B3GALT1: variants seen among roughly 807,000 people sequenced by gnomAD.
B3GALT1 encodes UDP-Gal:betaGlcNAc beta 1,3-galactosyltransferase, polypeptide 1.
In B3GALT1, 10 loss-of-function variants were observed where a neutral mutation model predicts 23.2. That is an observed-to-expected ratio of 0.43 (90% CI 0.27 to 0.73). The LOEUF (loss-of-function observed/expected upper bound fraction) is 0.73. B3GALT1 is among the 30% of genes least tolerant of loss of function. B3GALT1 has a pLI of 0.21. For missense variants in B3GALT1, 299 were observed against 405.4 expected, an observed-to-expected ratio of 0.74 and a Z score of 2.25; for synonymous variants, 156 against 141.5, an observed-to-expected ratio of 1.10 and a Z score of -0.73.
At chr2:167,636,886 G>A (rs1404034240) in intron 2 of B3GALT1, among the ~76,000 whole-genome samples, 1 of 151,868 alleles carries the variant, frequency 6.6e-6, no homozygotes, top group Non-Finnish European at 1.5e-5. Context: ...CCTAATGTAG[G>A]TGATGGGTTG....
At chr2:167,866,046 AT>A (rs752311878) in intron 4 of B3GALT1, among the ~76,000 whole-genome samples, 3 of 151,482 alleles carry the variant, frequency 2.0e-5, no homozygotes, top group Non-Finnish European at 4.4e-5. Context: ...CCTCTCTCTC[AT>A]TTTATGCCCT....
intron 2 of B3GALT1, among the ~76,000 whole-genome samples, chr2:167,564,300 G>A (rs1278275041): frequency 1.3e-5 from 2 of 151,476 alleles, no homozygotes; most frequent in African/African-American, 2.4e-5. Flanking sequence ...CCTCCCAGAT[G>A]TGATGGCGGC....
chr2:167,594,948 C>T (rs1193517332), intron 2 of B3GALT1, among the ~76,000 whole-genome samples: 1 of 151,962 alleles, frequency 6.6e-6, no homozygotes, highest in Non-Finnish European at 1.5e-5. Context: ...AATGGACAAA[C>T]GTGTGGGCAG....
intron 3 of B3GALT1, among the ~76,000 whole-genome samples, chr2:167,755,243 A>G (rs1024194045): frequency 2.0e-5 from 3 of 152,110 alleles, no homozygotes; most frequent in Non-Finnish European, 2.9e-5. Context: ...AAATACCCAG[A>G]TGAATGCTAG....
At chr2:167,600,531 T>G (rs1173382744) in intron 2 of B3GALT1, among the ~76,000 whole-genome samples, 4 of 152,104 alleles carry the variant, frequency 2.6e-5, no homozygotes, top group Admixed American at 2.6e-4. Flanking sequence ...CGCTCCACCA[T>G]CCTCCCCACC....
At chr2:167,564,405 C>T (rs1416746304) in intron 2 of B3GALT1, among the ~76,000 whole-genome samples, 1 of 151,740 alleles carries the variant, frequency 6.6e-6, no homozygotes, top group Admixed American at 6.6e-5. Context: ...AGGGGCTCCC[C>T]ACATCCCAGA....
At chr2:167,301,408 G>A (rs899480543) in intron 1 of B3GALT1, among the ~76,000 whole-genome samples, 2 of 152,174 alleles carry the variant, frequency 1.3e-5, no homozygotes, top group Admixed American at 1.3e-4. Flanking sequence ...TTCTGATCAT[G>A]TTTCTGTGTG....
chr2:167,743,359 G>T (rs1687604051), intron 3 of B3GALT1, among the ~76,000 whole-genome samples: 1 of 151,974 alleles, frequency 6.6e-6, no homozygotes, highest in Non-Finnish European at 1.5e-5. Context: ...TCAGCATTGA[G>T]CCTCAAGAAC....
At chr2:167,710,995 A>G (rs181507958) in intron 3 of B3GALT1, among the ~76,000 whole-genome samples, 14 of 152,188 alleles carry the variant, frequency 9.2e-5, no homozygotes, top group African/African-American at 3.4e-4. Flanking sequence ...TGATATCCAA[A>G]TGCCTCACTC....
chr2:167,472,225 A>AT (rs538862478), intron 1 of B3GALT1, among the ~76,000 whole-genome samples: 47 of 152,258 alleles, frequency 3.1e-4, no homozygotes, highest in African/African-American at 1.0e-3. Flanking sequence ...CCGTTATGGG[A>AT]CTTGAAGTCA....
intron 3 of B3GALT1, among the ~76,000 whole-genome samples, chr2:167,767,652 A>G (rs866620465): frequency 3.9e-5 from 6 of 152,324 alleles, no homozygotes; most frequent in African/African-American, 1.4e-4. Flanking sequence ...ATATTTGTTA[A>G]TGTGTCAGGT....
At chr2:167,424,412 C>T (rs1000176163) in intron 1 of B3GALT1, among the ~76,000 whole-genome samples, 1 of 152,152 alleles carries the variant, frequency 6.6e-6, no homozygotes, top group Non-Finnish European at 1.5e-5. Flanking sequence ...TACAAGGAAG[C>T]ACAGATGCTG....
intron 1 of B3GALT1, among the ~76,000 whole-genome samples, chr2:167,420,276 C>A (rs1387946367): frequency 6.6e-6 from 1 of 152,210 alleles, no homozygotes; most frequent in South Asian, 2.1e-4. Context: ...ATAAGACCCA[C>A]TGAAGCTCAA....
At chr2:167,306,569 T>TA (rs1559061222) in intron 1 of B3GALT1, among the ~76,000 whole-genome samples, 1 of 152,036 alleles carries the variant, frequency 6.6e-6, no homozygotes, top group Non-Finnish European at 1.5e-5. Context: ...TTTTAACTTA[T>TA]TTCTCACTAT....
chr2:167,593,777 C>G (rs969265207), intron 2 of B3GALT1, among the ~76,000 whole-genome samples: 1 of 152,076 alleles, frequency 6.6e-6, no homozygotes, highest in Non-Finnish European at 1.5e-5. Flanking sequence ...CAACACGGAG[C>G]TCAGTGGGAG....
At chr2:167,382,887 G>A (rs71428973) in intron 1 of B3GALT1, among the ~76,000 whole-genome samples, 1 of 152,104 alleles carries the variant, frequency 6.6e-6, no homozygotes, top group East Asian at 1.9e-4. Flanking sequence ...ACACCTCCTA[G>A]GTTCCTTATA....
chr2:167,471,789 G>A (rs947982874), intron 1 of B3GALT1, among the ~76,000 whole-genome samples: 2 of 151,978 alleles, frequency 1.3e-5, no homozygotes, highest in Admixed American at 6.6e-5. Context: ...ATTCTTGGTG[G>A]GTGGCTTACA....
chr2:167,684,715 A>C (rs1205302355), intron 3 of B3GALT1, among the ~76,000 whole-genome samples: 1 of 152,228 alleles, frequency 6.6e-6, no homozygotes, highest in African/African-American at 2.4e-5. Context: ...TCTTTATTCT[A>C]AGCAGATTAT....
intron 3 of B3GALT1, among the ~76,000 whole-genome samples, chr2:167,693,981 A>G (rs1254836799): frequency 3.3e-5 from 5 of 152,102 alleles, no homozygotes; most frequent in African/African-American, 9.7e-5. Flanking sequence ...ATGCAGCTAT[A>G]TTCACTGAGA....
Sources: gnomAD v4.1 joint callset for allele counts (sites outside exome capture counted in the v4.1 genomes callset) on GRCh38, gnomAD v4.1.1 for gene constraint, MANE v1.5 for transcripts, NCBI Gene and HGNC (gene_info 2026-07-23, HGNC 2026-07-21) for gene names.